PCDHA1: variants seen among roughly 807,000 people sequenced by gnomAD.
PCDHA1 encodes the protein protocadherin alpha-1.
In PCDHA1, 42 loss-of-function variants were observed where a neutral mutation model predicts 61.3. The ratio of observed to expected loss-of-function variants is 0.69; its 90% CI spans 0.54 to 0.89. PCDHA1 has a LOEUF of 0.89. Among genes scored for constraint, PCDHA1 ranks in the 40% least tolerant of loss-of-function variants. The probability of loss-of-function intolerance (pLI) is 0.00; values close to 1 mark genes in which losing one functional copy is unlikely to be tolerated. For missense variants in PCDHA1, 1,256 were observed against 1,235.3 expected, an observed-to-expected ratio of 1.02 and a Z score of -0.25; for synonymous variants, 610 against 553.8, an observed-to-expected ratio of 1.10 and a Z score of -1.43.
At chr5:140,870,633 C>A in intron 1 of PCDHA1, 2 of 1,612,872 alleles carry the variant, frequency 1.2e-6, no homozygotes, top group Middle Eastern at 1.8e-4. Context: ...TGTCGGTGCA[C>A]GCGGAGAGCG....
chr5:140,856,105 C>T (rs1287720041), intron 1 of PCDHA1: 2 of 1,598,000 alleles, frequency 1.3e-6, no homozygotes, highest in Non-Finnish European at 1.7e-6. Flanking sequence ...CGCTTCTTCT[C>T]CTCGCAGCCT....
rs2150172253 is a variant in PCDHA1, at chr5:140,829,667, G to A, written c.2394+40983G>A. ...GTACGCGCTGCAGCCGCTGGACCAC[G>A]AGGAGCTAGAGCTGCTGCAGTTTCA... On this transcript the variant is annotated intron_variant, in intron 1 of 3. Coordinates refer to ENST00000504120, the MANE Select transcript of PCDHA1 (RefSeq NM_018900.4). 11 of 1,612,886 alleles carry A rather than the reference G, an allele frequency of 6.8e-6. 1 individual carries two copies. The South Asian group carries it at 8.8e-5, about 13-fold the overall frequency.
chr5:140,788,113 C>A lies in PCDHA1; in HGVS notation c.1823C>A (p.Ser608Tyr). The change falls in exon 1 of 4, where the codon TCC becomes TAC. Residue 608 changes from serine (S) to tyrosine (Y), a missense_variant. Transcript: ENST00000504120. ...DADSGYNAWL[S>Y]YELQPAAGGA... ...GACTCGGGCTACAACGCGTGGCTGT[C>A]CTATGAACTGCAGCCGGCAGCAGGC... 6.2e-7 allele frequency: 1 copy of A among 1,613,984 alleles called. No individual in the cohort carries two copies. Among genetic ancestry groups the A allele is most frequent in the Non-Finnish European group, 8.5e-7 (1 of 1,179,928 alleles).
At chr5:140,792,796 G>T (rs1761730896) in intron 1 of PCDHA1, among the ~76,000 whole-genome samples, 2 of 152,244 alleles carry the variant, frequency 1.3e-5, no homozygotes, top group South Asian at 4.1e-4. Flanking sequence ...TAATTACTGG[G>T]TATCATACAT....
intron 1 of PCDHA1, chr5:140,824,610 G>GTTTTTTTTTTTTTTTTTTTTTTTTTTTT (rs782443702): frequency 2.1e-5 from 2 of 95,102 alleles, no homozygotes; most frequent in Non-Finnish European, 3.8e-5. Flanking sequence ...GCTAATTAAA[G>GTTTTTTTTTTTTTTTTTTTTTTTTTTTT]TTTTTTTTTT....
At chr5:140,883,904 G>C in intron 1 of PCDHA1, 1 of 1,613,344 alleles carries the variant, frequency 6.2e-7, no homozygotes, top group Non-Finnish European at 8.5e-7. Context: ...GCCGCCTCTG[G>C]GCAGCAACGT....
chr5:140,933,753 G>A (rs1554209575), intron 1 of PCDHA1, among the ~76,000 whole-genome samples: 1 of 151,976 alleles, frequency 6.6e-6, no homozygotes. Context: ...GAATTCACTA[G>A]TGAAGCTCTC....
In PCDHA1 at chr5:140,841,532, C is replaced by A. The variant is rs2150317529; in HGVS notation, c.2394+52848C>A. 22 of 1,613,576 alleles carry A rather than the reference C, an allele frequency of 1.4e-5. No individual in the cohort carries two copies. In the South Asian group the frequency reaches 2.3e-4, roughly 17 times the overall value. ...CCTGTTCCGGGTGGCGTCCAAAAGA[C>A]ACCGGGACCTTCTGGAGGTAAGTCT... On this transcript the variant is annotated intron_variant, in intron 1 of 3. Coordinates refer to ENST00000504120, the MANE Select transcript of PCDHA1 (RefSeq NM_018900.4).
chr5:140,869,396 A>C (rs782754440), intron 1 of PCDHA1: 18 of 1,614,242 alleles, frequency 1.1e-5, no homozygotes, highest in East Asian at 2.2e-5. Flanking sequence ...CTGTGCGGGC[A>C]GAGCGCGGAG....
chr5:140,845,125 T>C (rs1779709915), intron 1 of PCDHA1, among the ~76,000 whole-genome samples: 1 of 149,748 alleles, frequency 6.7e-6, no homozygotes, highest in Non-Finnish European at 1.5e-5. Flanking sequence ...GTTTAGCATT[T>C]TATTTGACTA....
intron 3 of PCDHA1, among the ~76,000 whole-genome samples, chr5:140,991,017 C>G (rs1440489095): frequency 6.6e-6 from 1 of 152,178 alleles, no homozygotes; most frequent in Non-Finnish European, 1.5e-5. Context: ...GTGATAAGCA[C>G]TTTACATATG....
chr5:140,839,415 G>A (rs1374015208), intron 1 of PCDHA1, among the ~76,000 whole-genome samples: 2 of 151,792 alleles, frequency 1.3e-5, no homozygotes, highest in African/African-American at 4.8e-5. Context: ...TTTGAGACAG[G>A]GTCTCACTCT....
At chr5:140,803,802 A>T in intron 1 of PCDHA1, 1 of 787,212 alleles carries the variant, frequency 1.3e-6, no homozygotes, top group Non-Finnish European at 2.0e-6. Context: ...CCACACTTGT[A>T]ATTTTGTTTT....
intron 1 of PCDHA1, chr5:140,877,442 C>A: frequency 6.2e-7 from 1 of 1,613,858 alleles, no homozygotes; most frequent in South Asian, 1.1e-5. Flanking sequence ...CACGGTGAGC[C>A]CGCGCTGACG....
intron 1 of PCDHA1, among the ~76,000 whole-genome samples, chr5:140,799,975 T>C (rs1762494421): frequency 6.6e-6 from 1 of 152,156 alleles, no homozygotes; most frequent in South Asian, 2.1e-4. Context: ...GTGTTAAATA[T>C]GTTGAGTAAA....
At chr5:140,939,152 G>A (rs1486129737) in intron 1 of PCDHA1, among the ~76,000 whole-genome samples, 20 of 152,068 alleles carry the variant, frequency 1.3e-4, no homozygotes, top group Admixed American at 1.2e-3. Context: ...CAAGGTCCTG[G>A]CAGATTTGTG....
intron 1 of PCDHA1, chr5:140,878,103 GA>G (rs748975221): frequency 2.9e-4 from 75 of 261,846 alleles, no homozygotes; most frequent in African/African-American, 1.3e-3. Context: ...GATGAACCTT[GA>G]AAAAAACAGT....
chr5:140,861,339 C>A lies in PCDHA1; in HGVS notation c.2394+72655C>A. ...TTCCACTACACCATCCTGGAAGAGG[C>A]CAAGGACGGCACATAGCGTCTTCGC... On this transcript the variant is annotated intron_variant, in intron 1 of 3. Transcript: ENST00000504120. 4 of 274,788 alleles carry A rather than the reference C, an allele frequency of 1.5e-5. No homozygotes were observed. The South Asian group carries it at 1.7e-4, about 12-fold the overall frequency. The allele number at this position is 274,788 out of a possible 1,614,324, so 17.0% of individuals were successfully genotyped here.
In PCDHA1 at chr5:140,786,488, G is replaced by A; in HGVS notation, c.198G>A (p.Val66=). 6.2e-7 allele frequency: 1 copy of A among 1,613,800 alleles called. No homozygotes were observed. The highest frequency in any genetic ancestry group is 1.7e-4 in the Middle Eastern group (1 of 5,718). ...AGCTGGTGCCTCGCCTGTTCCGGGT[G>A]GCGTCCAAAACACACAGGGACCTTC... ...LAELVPRLFR[V]ASKTHRDLLE... The change falls in exon 1 of 4, where the codon GTG becomes GTA. Residue 66 remains valine (V), a synonymous_variant. Transcript: ENST00000504120.
Sources: allele counts gnomAD v4.1 joint callset (sites outside exome capture counted in the v4.1 genomes callset), GRCh38; gene constraint gnomAD v4.1.1; transcripts MANE v1.5; gene names NCBI Gene and HGNC (gene_info 2026-07-23, HGNC 2026-07-21).